Variants in PHIP observed in about 807,000 individuals in gnomAD.
PHIP encodes the protein PH-interacting protein.
PHIP carries 54 observed loss-of-function variants against 236.8 expected under a neutral mutation model. That is an observed-to-expected ratio of 0.23 (90% CI 0.18 to 0.29). The LOEUF (loss-of-function observed/expected upper bound fraction) is 0.29. PHIP is among the 10% of genes least tolerant of loss of function. The pLI is 1.00. For missense variants in PHIP, 1,370 were observed against 2,190.8 expected, an observed-to-expected ratio of 0.63 and a Z score of 7.48; for synonymous variants, 756 against 718.9, an observed-to-expected ratio of 1.05 and a Z score of -0.83.
chr6:78,998,466 T>C lies in PHIP; in HGVS notation c.1880-75A>G, dbSNP rs1769769240. On this transcript the variant is annotated intron_variant, in intron 17 of 39. Transcript: ENST00000275034. Reference sequence around the variant, plus strand: ...CCATTTTACTCACCAACCTCACTTATGAGTTCAGAATTAAACATAAATGTT... The same window carrying C: ...CCATTTTACTCACCAACCTCACTTACGAGTTCAGAATTAAACATAAATGTT... The C allele has an allele frequency of 7.5e-6, 9 of 1,207,730 alleles. 1 individual carries two copies. In the Admixed American group the frequency reaches 9.2e-5, roughly 12 times the overall value. 74.8% of individuals were successfully genotyped at this position (1,207,730 alleles called of 1,614,324 possible). A position where few individuals can be genotyped will look rare whatever the true frequency, so the allele number is the denominator to read the frequency against.
chr6:79,006,456 A>C (rs1770296921), intron 15 of PHIP, among the ~76,000 whole-genome samples: 1 of 152,088 alleles, frequency 6.6e-6, no homozygotes, highest in East Asian at 1.9e-4. Flanking sequence ...CAAGGGTCAA[A>C]GTATTTATGA....
chr6:78,982,995 G>A lies in PHIP; in HGVS notation c.2660C>T (p.Ser887Phe). ...AATCTGTTTTTGCTTCTGTTTTTCA[G>A]ATTCTTCTTCTTCATCTGAACTGCT... ...AESSSDEEEE[S>F]EKQKQKQIKK... Residue 887 changes from serine (S) to phenylalanine (F), a missense_variant, in exon 23 of 40, where the codon TCT (serine) becomes TTT (phenylalanine). Transcript: ENST00000275034. 1 of 1,607,818 alleles carries A rather than the reference G, an allele frequency of 6.2e-7. No homozygotes were observed. Among genetic ancestry groups the A allele is most frequent in the Non-Finnish European group, 8.5e-7 (1 of 1,176,744 alleles).
intron 7 of PHIP, among the ~76,000 whole-genome samples, chr6:79,027,561 A>G (rs955774863): frequency 1.3e-5 from 2 of 152,230 alleles, no homozygotes; most frequent in African/African-American, 4.8e-5. Context: ...CACTAAAGAT[A>G]TAAGAATGAG....
At chr6:78,971,656 G>A (rs1041918863) in intron 24 of PHIP, among the ~76,000 whole-genome samples, 1 of 152,128 alleles carries the variant, frequency 6.6e-6, no homozygotes, top group African/African-American at 2.4e-5. Context: ...AGTGGGCGCA[G>A]GTCAGTGGGT....
At chr6:79,070,089 A>G (rs1773809760) in intron 4 of PHIP, among the ~76,000 whole-genome samples, 1 of 152,210 alleles carries the variant, frequency 6.6e-6, no homozygotes, top group Non-Finnish European at 1.5e-5. Context: ...TGAGGTTTCC[A>G]TAAACCAAAG....
intron 35 of PHIP, among the ~76,000 whole-genome samples, chr6:78,952,009 A>G (rs117093597): frequency 0.02 from 3,087 of 152,322 alleles, 43 homozygotes; most frequent in Non-Finnish European, 0.03. Flanking sequence ...GACTGTTTCA[A>G]TATTTTCTTT....
intron 6 of PHIP, among the ~76,000 whole-genome samples, chr6:79,055,397 A>G (rs1773018465): frequency 6.6e-6 from 1 of 152,180 alleles, no homozygotes; most frequent in African/African-American, 2.4e-5. Flanking sequence ...TTACTGAAGT[A>G]TAAGCAAATA....
rs547487715 is a variant in PHIP, at chr6:79,042,933, A to G, written c.510T>C (p.Tyr170=). The G allele has an allele frequency of 1.3e-5, 21 of 1,612,352 alleles. No individual in the cohort carries two copies. The African/African-American group carries it at 1.3e-4, about 10-fold the overall frequency. ...TTCGTTTATGCATTTTCATGTGCTGATACACTGCAGTTGGAACAAGTCGCT... is the reference window on the plus strand; with the variant it reads ...TTCGTTTATGCATTTTCATGTGCTGGTACACTGCAGTTGGAACAAGTCGCT... The part of the protein sequence containing the change: ...RLERLVPTAV[Y]QHMKMHKRIL... Residue 170 remains tyrosine, a synonymous_variant, in exon 7 of 40, where the codon TAT becomes TAC. Transcript: ENST00000275034.
chr6:79,053,222 G>A (rs1342616122), intron 6 of PHIP, among the ~76,000 whole-genome samples: 1 of 152,004 alleles, frequency 6.6e-6, no homozygotes, highest in Non-Finnish European at 1.5e-5. Context: ...GCTGAGGCAG[G>A]AGAATGGCTT....
chr6:79,069,855 A>AC (rs148636641), intron 4 of PHIP, among the ~76,000 whole-genome samples: 2,134 of 152,162 alleles, frequency 0.014, 35 homozygotes, highest in Middle Eastern at 0.048. Flanking sequence ...AACAAGCTTC[A>AC]AAGAATATGT....
At chr6:79,066,286 C>A (rs2127776535) in intron 4 of PHIP, among the ~76,000 whole-genome samples, 1 of 152,272 alleles carries the variant, frequency 6.6e-6, no homozygotes, top group East Asian at 1.9e-4. Flanking sequence ...TGGCTGCACA[C>A]TGAATGCCAG....
At chr6:78,992,871 C>T (rs1160504981) in intron 19 of PHIP, among the ~76,000 whole-genome samples, 3 of 152,172 alleles carry the variant, frequency 2.0e-5, no homozygotes, top group African/African-American at 7.2e-5. Flanking sequence ...ACATCTCTCA[C>T]TTTAAATCAA....
chr6:78,952,609 T>G (rs2127688754), intron 35 of PHIP, among the ~76,000 whole-genome samples: 1 of 152,218 alleles, frequency 6.6e-6, no homozygotes, highest in African/African-American at 2.4e-5. Context: ...AATCTCTTTA[T>G]CATTCTGTGT....
At chr6:78,976,016 A>G (rs1768031652) in intron 24 of PHIP, among the ~76,000 whole-genome samples, 1 of 151,972 alleles carries the variant, frequency 6.6e-6, no homozygotes, top group Non-Finnish European at 1.5e-5. Context: ...CAGAATTGGA[A>G]AAAACTACTT....
intron 29 of PHIP, among the ~76,000 whole-genome samples, chr6:78,964,681 C>T (rs911945220): frequency 2.0e-5 from 3 of 151,988 alleles, no homozygotes; most frequent in Non-Finnish European, 2.9e-5. Flanking sequence ...TTAGTTGAGA[C>T]GGGGTTTCAC....
At chr6:79,022,169 T>A (rs1007367166) in intron 9 of PHIP, among the ~76,000 whole-genome samples, 1 of 152,166 alleles carries the variant, frequency 6.6e-6, no homozygotes, top group Non-Finnish European at 1.5e-5. Flanking sequence ...TTATCAAGAG[T>A]GCGACCTTAG....
rs555900070 is a variant in PHIP at position 79,019,688 on chromosome 6, A to G, written c.924-529T>C. ...AAAGTAGGGATATTACATTTAACCT[A>G]GTGAAAATCTGAAGATACTTTGACT... is the stretch of plus-strand genomic sequence containing the variant. On this transcript the variant is annotated intron_variant, in intron 9 of 39. Transcript: ENST00000275034. 6.6e-5 allele frequency among the ~76,000 whole-genome samples: 10 copies of G among 152,220 alleles called. No homozygotes were observed. In the East Asian group the frequency reaches 1.5e-3, roughly 24 times the overall value.
chr6:79,076,745 T>C (rs1343729957), intron 4 of PHIP, among the ~76,000 whole-genome samples: 1 of 152,072 alleles, frequency 6.6e-6, no homozygotes, highest in African/African-American at 2.4e-5. Context: ...AGGCATACCA[T>C]AAGAATTAAA....
intron 19 of PHIP, among the ~76,000 whole-genome samples, chr6:78,996,731 A>ATCT (rs1165281908): frequency 6.6e-6 from 1 of 152,156 alleles, no homozygotes; most frequent in Non-Finnish European, 1.5e-5. Flanking sequence ...TGTAATTACT[A>ATCT]TCTTCTGAGT....
Sources: gnomAD v4.1 joint callset for allele counts (sites outside exome capture counted in the v4.1 genomes callset) on GRCh38, gnomAD v4.1.1 for gene constraint, MANE v1.5 for transcripts, NCBI Gene and HGNC (gene_info 2026-07-23, HGNC 2026-07-21) for gene names.